PRTG: variants seen among roughly 807,000 people sequenced by gnomAD.
PRTG encodes the protein immunoglobulin superfamily, DCC subclass, member 5.
In PRTG, 67 loss-of-function variants were observed where a neutral mutation model predicts 122.5. The ratio of observed to expected loss-of-function variants is 0.55; its 90% CI spans 0.45 to 0.67. The LOEUF is 0.67. Ranked by LOEUF, PRTG falls within the 30% of genes least tolerant of loss-of-function variation. The pLI, the probability that PRTG is intolerant of heterozygous loss-of-function variation, is 0.00. For missense variants in PRTG, 1,435 were observed against 1,415.4 expected (o/e 1.01, Z -0.22); for synonymous variants, 554 against 501.1 (o/e 1.11, Z -1.41).
Position 55,653,973 on chromosome 15 carries a change from T to C in PRTG, c.2042-12765A>G, listed in dbSNP as rs531583311. Among the ~76,000 whole-genome samples the C allele has an allele frequency of 5.0e-4, 76 of 152,342 alleles. 1 individual carries two copies. The highest frequency in any genetic ancestry group is 5.0e-3 in the Admixed American group (76 of 15,298). ...TTATTTTTTGACAAATGTATTACCT[T>C]AGGATGTCTAGATAAGAAATATTTA... On this transcript the variant is annotated intron_variant, in intron 11 of 19. Transcript: ENST00000389286.
At chr15:55,703,418 T>A (rs2029965682) in intron 2 of PRTG, among the ~76,000 whole-genome samples, 1 of 151,942 alleles carries the variant, frequency 6.6e-6, no homozygotes, top group African/African-American at 2.4e-5. Flanking sequence ...CCTAACGAGA[T>A]CAGAAGTAAC....
At chr15:55,737,713 A>G (rs1251642245) in intron 2 of PRTG, among the ~76,000 whole-genome samples, 1 of 152,084 alleles carries the variant, frequency 6.6e-6, no homozygotes, top group Non-Finnish European at 1.5e-5. Flanking sequence ...CCTAGAGTGC[A>G]ACTTTCAGCT....
chr15:55,657,334 G>A (rs936504604), intron 11 of PRTG, among the ~76,000 whole-genome samples: 2 of 152,210 alleles, frequency 1.3e-5, no homozygotes, highest in Admixed American at 6.5e-5. Flanking sequence ...AAGAGTGGAC[G>A]TGTAGCTATT....
In PRTG at chr15:55,675,639, TTG is replaced by T; in HGVS notation, c.1424_1425del (p.Thr475AsnfsTer6). The T allele has an allele frequency of 1.3e-6, 2 of 1,597,236 alleles. No individual in the cohort carries two copies. The highest frequency in any genetic ancestry group is 1.7e-6 in the Non-Finnish European group (2 of 1,165,034). On this transcript the variant is annotated frameshift_variant, in exon 9 of 20. Transcript: ENST00000389286. LOFTEE classifies it high-confidence loss of function. ...TCTAAGTCATCAATAATATAATGAG[TTG>T]TGTCATTTCCGATGACTACTTGATA... ...EEYQVVIGNDTTHYIIDDLEP... is the reference protein window; with the variant it reads ...EEYQVVIGNDXTHYIIDDLEP...
At chr15:55,721,961 C>T (rs1158905613) in intron 2 of PRTG, among the ~76,000 whole-genome samples, 6 of 152,166 alleles carry the variant, frequency 3.9e-5, no homozygotes, top group African/African-American at 1.2e-4. Flanking sequence ...ATGGGAACTA[C>T]AATTCAAGAT....
chr15:55,688,804 C>T (rs771852342), intron 2 of PRTG, among the ~76,000 whole-genome samples: 2 of 152,028 alleles, frequency 1.3e-5, no homozygotes, highest in African/African-American at 2.4e-5. Context: ...ACTGCACTCC[C>T]GCCTGGTGAC....
rs758271612 is a variant in PRTG at position 55,678,052 on chromosome 15, A to G, written c.1134-8T>C. ...TGGTTAATTACCAATTTACTAGGGA[A>G]AGAAAAAAAATTATTTCCATGAAAA... On this transcript the variant is annotated splice_region_variant and splice_polypyrimidine_tract_variant and intron_variant, in intron 7 of 19. Transcript: ENST00000389286. 1 of 1,531,350 alleles carries G rather than the reference A, an allele frequency of 6.5e-7. No homozygotes were observed. 94.9% of individuals were successfully genotyped at this position (1,531,350 alleles called of 1,614,324 possible). A position where few individuals can be genotyped will look rare whatever the true frequency, so the allele number is the denominator to read the frequency against.
chr15:55,661,010 TTA>T (rs1453350060), intron 11 of PRTG, among the ~76,000 whole-genome samples: 1 of 152,234 alleles, frequency 6.6e-6, no homozygotes, highest in African/African-American at 2.4e-5. Flanking sequence ...CATGTGTTTT[TTA>T]TGTTTTAAAT....
intron 15 of PRTG, 131 bp from the exon 16 acceptor site, chr15:55,629,135 T>C: frequency 1.8e-6 from 1 of 541,244 alleles, no homozygotes; most frequent in Non-Finnish European, 3.1e-6. Flanking sequence ...GTAGAACATT[T>C]AGAAAATAAA....
At position 55,680,481 on chromosome 15, in the gene PRTG, G is replaced by C. The variant is rs774351054; in HGVS notation, c.814+10C>G. Reference sequence around the variant, plus strand: ...AAAAGACTTTTTTTTTTTTTCCTGAGAAGACTTACCAAGGCGGCTCCAAGA... The same window carrying C: ...AAAAGACTTTTTTTTTTTTTCCTGACAAGACTTACCAAGGCGGCTCCAAGA... On this transcript the variant is annotated intron_variant, in intron 5 of 19. Coordinates refer to ENST00000389286, the MANE Select transcript of PRTG (RefSeq NM_173814.6). The C allele has an allele frequency of 2.2e-5, 34 of 1,555,016 alleles. No homozygotes were observed. The highest frequency in any genetic ancestry group is 2.8e-5 in the Non-Finnish European group (33 of 1,158,966).
Position 55,619,991 on chromosome 15 carries a change from G to A in PRTG, c.*21C>T, listed in dbSNP as rs1296018912. ...CTTCCTCAATGCGGAATCTCCACCT[G>A]AATCACTGCCAGTGAAAGAATCAGA... On this transcript the variant is annotated 3_prime_UTR_variant, in exon 20 of 20. Transcript: ENST00000389286. The A allele has an allele frequency of 4.3e-6, 7 of 1,612,902 alleles. No homozygotes were observed. Among genetic ancestry groups the A allele is most frequent in the Non-Finnish European group, 5.9e-6 (7 of 1,179,398 alleles).
chr15:55,733,500 A>C lies in PRTG; in HGVS notation c.397+6882T>G, dbSNP rs1214863163. ...ACTCCAGCCTGGGCAACAAGAGCAA[A>C]ACTCTGTCTCAAACAAAAAAAAAAA... On this transcript the variant is annotated intron_variant, in intron 2 of 19. Coordinates refer to ENST00000389286, the MANE Select transcript of PRTG (RefSeq NM_173814.6). Among the ~76,000 whole-genome samples the C allele has an allele frequency of 2.7e-5, 4 of 148,880 alleles. No homozygotes were observed. In the South Asian group the frequency reaches 8.6e-4, roughly 32 times the overall value.
At chr15:55,665,614 T>C (rs2059435480) in intron 11 of PRTG, among the ~76,000 whole-genome samples, 1 of 151,722 alleles carries the variant, frequency 6.6e-6, no homozygotes, top group Non-Finnish European at 1.5e-5. Flanking sequence ...GGCAGAATCT[T>C]GGTTCACTGC....
rs1479619534 is a variant in PRTG at position 55,677,911 on chromosome 15, A to T, written c.1267T>A (p.Tyr423Asn). 6.2e-7 allele frequency: 1 copy of T among 1,614,008 alleles called. No individual in the cohort carries two copies. The highest frequency in any genetic ancestry group is 1.7e-5 in the Admixed American group (1 of 60,010). The stretch of plus-strand genomic sequence containing the variant: ...GACATGGTTTCAGCATGTACATTAT[A>T]GGGAGCACTGGGTCTGTCTTCTGAC... ...VMSEDRPSAP[Y>N]NVHAETMSSS... The change falls in exon 8 of 20, where the codon TAT becomes AAT. Residue 423 changes from tyrosine to asparagine, a missense_variant. Transcript: ENST00000389286.
At chr15:55,630,650 T>C (rs1274161927) in intron 15 of PRTG, among the ~76,000 whole-genome samples, 1 of 152,210 alleles carries the variant, frequency 6.6e-6, no homozygotes, top group Non-Finnish European at 1.5e-5. Flanking sequence ...AAGATTCCTA[T>C]TTGGACACTG....
chr15:55,735,021 T>C (rs530307218), intron 2 of PRTG, among the ~76,000 whole-genome samples: 1 of 152,204 alleles, frequency 6.6e-6, no homozygotes, highest in Non-Finnish European at 1.5e-5. Context: ...TACAACAGCA[T>C]CTTCCTTTTC....
chr15:55,636,186 T>A (rs1474398637), intron 15 of PRTG, among the ~76,000 whole-genome samples: 1 of 152,050 alleles, frequency 6.6e-6, no homozygotes, highest in African/African-American at 2.4e-5. Flanking sequence ...ACTTTGTAAT[T>A]CAGTTTTTCT....
rs1234500157 is a variant in PRTG at position 55,639,904 on chromosome 15, T to C, written c.2138-76A>G. Reference sequence around the variant, plus strand: ...AGAAAGTGGTAAAATGGTAAAATAATAATATCCCACCCTATAAGTTGATTT... The same window carrying C: ...AGAAAGTGGTAAAATGGTAAAATAACAATATCCCACCCTATAAGTTGATTT... On this transcript the variant is annotated intron_variant, in intron 12 of 19. Coordinates refer to ENST00000389286, the MANE Select transcript of PRTG (RefSeq NM_173814.6). The C allele has an allele frequency of 3.2e-6, 5 of 1,556,188 alleles. No individual in the cohort carries two copies. The Admixed American group carries it at 9.3e-5, about 29-fold the overall frequency.
Position 55,677,925 on chromosome 15 carries a change from C to A in PRTG, c.1253G>T (p.Arg418Ile), listed in dbSNP as rs760195727. 2 of 1,613,868 alleles carry A rather than the reference C, an allele frequency of 1.2e-6. No homozygotes were observed. The highest frequency in any genetic ancestry group is 1.7e-6 in the Non-Finnish European group (2 of 1,179,916). ...ARLTVVMSED[R>I]PSAPYNVHAE... is the part of the protein sequence containing the mutation. Reference sequence around the variant, plus strand: ...ATGTACATTATAGGGAGCACTGGGTCTGTCTTCTGACATCACTACAGTCAG... The same window carrying A: ...ATGTACATTATAGGGAGCACTGGGTATGTCTTCTGACATCACTACAGTCAG... Residue 418 changes from arginine to isoleucine, a missense_variant, in exon 8 of 20, where the codon AGA (arginine) becomes ATA (isoleucine). Physicochemically the swap from Arg to Ile is moderately conservative, Grantham distance 97. Coordinates refer to ENST00000389286, the MANE Select transcript of PRTG (RefSeq NM_173814.6).
Sources: gnomAD v4.1 joint callset for allele counts (sites outside exome capture counted in the v4.1 genomes callset) on GRCh38, gnomAD v4.1.1 for gene constraint, MANE v1.5 for transcripts, NCBI Gene and HGNC (gene_info 2026-07-23, HGNC 2026-07-21) for gene names.